HERC3: variants seen among roughly 807,000 people sequenced by gnomAD.
HERC3 encodes probable E3 ubiquitin-protein ligase HERC3.
Under a neutral mutation model 129.9 loss-of-function variants are expected in HERC3, and 58 were observed. The observed-to-expected ratio is 0.45, with a 90% CI of 0.36 to 0.56. The LOEUF (loss-of-function observed/expected upper bound fraction) is 0.56, where lower values mean the gene tolerates loss of function less well. Among genes scored for constraint, HERC3 ranks in the 20% least tolerant of loss-of-function variants. The probability of loss-of-function intolerance (pLI) is 0.00; values close to 1 mark genes in which losing one functional copy is unlikely to be tolerated. For synonymous variants in HERC3, 430 were observed against 451.0 expected, an observed-to-expected ratio of 0.95 and a Z score of 0.59; for missense variants, 835 against 1,244.2, an observed-to-expected ratio of 0.67 and a Z score of 4.95.
intron 3 of HERC3, among the ~76,000 whole-genome samples, chr4:88,610,944 C>T (rs1724249673): frequency 6.6e-6 from 1 of 152,202 alleles, no homozygotes; most frequent in African/African-American, 2.4e-5. Flanking sequence ...ACTGGGTCAG[C>T]TGGCCCTCAG....
chr4:88,556,461 C>A, the HERC3 span, among the ~76,000 whole-genome samples: 4 of 152,130 alleles, frequency 2.6e-5, no homozygotes, highest in Admixed American at 2.6e-4. Flanking sequence ...AGAAAAAAAG[C>A]AATTTAGTTA....
chr4:88,546,585 C>G, the HERC3 span, among the ~76,000 whole-genome samples: 1 of 150,768 alleles, frequency 6.6e-6, no homozygotes, highest in East Asian at 2.0e-4. Context: ...TCATGGCTCA[C>G]TGCAGCCTCG....
chr4:88,657,177 G>T (rs1292883943), intron 9 of HERC3: 1 of 152,162 alleles, frequency 6.6e-6, no homozygotes, highest in Non-Finnish European at 1.5e-5. Flanking sequence ...AGTCGATAAA[G>T]TGACACACTT....
chr4:88,594,619 T>A (rs1722140572), intron 1 of HERC3, among the ~76,000 whole-genome samples: 1 of 152,192 alleles, frequency 6.6e-6, no homozygotes, highest in Non-Finnish European at 1.5e-5. Flanking sequence ...GGTTTTGCCA[T>A]GTTGCTCAGG....
intron 23 of HERC3, among the ~76,000 whole-genome samples, chr4:88,699,328 A>C (rs913814391): frequency 1.1e-4 from 1 of 8,924 alleles, no homozygotes; most frequent in Non-Finnish European, 1.7e-4. Flanking sequence ...CTCCCCACCC[A>C]CCCACGCAGC....
Position 88,604,113 on chromosome 4 carries a change from C to T in HERC3, c.-29-1682C>T, listed in dbSNP as rs112030759. 3.8e-3 allele frequency among the ~76,000 whole-genome samples: 571 copies of T among 152,210 alleles called. 8 individuals carry two copies. Among genetic ancestry groups the T allele is most frequent in the East Asian group, 0.029 (148 of 5,170 alleles). On this transcript the variant is annotated intron_variant, in intron 2 of 25. Transcript: ENST00000402738. ...TCAGCTCACTGCAACCTCTGCCTCCCGGATTCAAGCGATTCTCCTACCTCA... is the reference window on the plus strand; with the variant it reads ...TCAGCTCACTGCAACCTCTGCCTCCTGGATTCAAGCGATTCTCCTACCTCA...
chr4:88,656,116 C>A, intron 9 of HERC3, 81 bp downstream of exon 9: 1 of 1,363,002 alleles, frequency 7.3e-7, no homozygotes, highest in Non-Finnish European at 1.0e-6. Flanking sequence ...CTATTACTTA[C>A]TTTGAGGTCT....
intron 19 of HERC3, among the ~76,000 whole-genome samples, chr4:88,679,729 G>T (rs1477457750): frequency 6.6e-6 from 1 of 152,082 alleles, no homozygotes; most frequent in African/African-American, 2.4e-5. Context: ...TGTTTGCCAG[G>T]CTGGTCTCGA....
chr4:88,697,139 T>C (rs1403482354), intron 23 of HERC3: 1 of 1,423,162 alleles, frequency 7.0e-7, no homozygotes, highest in Non-Finnish European at 9.3e-7. Context: ...AGTCCATCGA[T>C]ATTCTGGGAA....
chr4:88,697,507 G>C, intron 23 of HERC3: 1 of 1,614,078 alleles, frequency 6.2e-7, no homozygotes, highest in Non-Finnish European at 8.5e-7. Flanking sequence ...CTTTTTGAGG[G>C]CCAGGACTCG....
At chr4:88,688,934 A>C in intron 23 of HERC3, among the ~76,000 whole-genome samples, 1 of 152,158 alleles carries the variant, frequency 6.6e-6, no homozygotes, top group East Asian at 1.9e-4. Flanking sequence ...TGGCTTAAGG[A>C]AAGAGCGGGT....
In HERC3 at chr4:88,680,200, C is replaced by T; in HGVS notation, c.2304C>T (p.Tyr768=). 2 of 1,610,446 alleles carry T rather than the reference C, an allele frequency of 1.2e-6. No individual in the cohort carries two copies. The highest frequency in any genetic ancestry group is 3.3e-4 in the Middle Eastern group (2 of 5,974). ...LLNPIYGMFT[Y]YQDSNLLWFS... ...ATCCCATCTATGGAATGTTTACCTA[C>T]TATCAAGATTCAAATCTCTTGTGGT... Residue 768 remains tyrosine (Y), a synonymous_variant, in exon 20 of 26, where the codon TAC becomes TAT. Coordinates refer to ENST00000402738, the MANE Select transcript of HERC3 (RefSeq NM_014606.3).
chr4:88,637,021 C>T (rs531053372), intron 3 of HERC3, among the ~76,000 whole-genome samples: 33 of 152,120 alleles, frequency 2.2e-4, no homozygotes, highest in Admixed American at 1.6e-3. Context: ...CCCAGCTACT[C>T]GGGAGGCTGA....
At chr4:88,629,861 G>A (rs1726544271) in intron 3 of HERC3, among the ~76,000 whole-genome samples, 1 of 152,088 alleles carries the variant, frequency 6.6e-6, no homozygotes, top group Non-Finnish European at 1.5e-5. Context: ...GTAAAGAATT[G>A]GAGTGGTGAG....
chr4:88,655,430 C>T (rs2282593), intron 8 of HERC3, 126 bp downstream of exon 8: 164,418 of 1,075,318 alleles, frequency 0.15, 13,962 homozygotes, highest in East Asian at 0.22. Context: ...GCATGCACGC[C>T]TATGGTGAAA....
chr4:88,537,642 A>G, the HERC3 span, among the ~76,000 whole-genome samples: 1 of 152,246 alleles, frequency 6.6e-6, no homozygotes, highest in African/African-American at 2.4e-5. Flanking sequence ...AAGGCTAAAC[A>G]AAAGAGAGAC....
At chr4:88,535,355 G>A in the HERC3 span, among the ~76,000 whole-genome samples, 5 of 152,198 alleles carry the variant, frequency 3.3e-5, no homozygotes, top group African/African-American at 1.2e-4. Flanking sequence ...TTTGAGTTTG[G>A]TCTAGTCATT....
the HERC3 span, among the ~76,000 whole-genome samples, chr4:88,586,488 A>T: frequency 6.6e-6 from 1 of 151,478 alleles, no homozygotes; most frequent in Non-Finnish European, 1.5e-5. Context: ...CCTCCTGAGT[A>T]GCTGGGATTA....
chr4:88,610,808 G>T (rs777064326), intron 3 of HERC3, among the ~76,000 whole-genome samples: 26 of 152,236 alleles, frequency 1.7e-4, no homozygotes, highest in Non-Finnish European at 5.9e-5. Context: ...GAATACATCT[G>T]AGTGCAACGA....
Sources: gnomAD v4.1 joint callset for allele counts (sites outside exome capture counted in the v4.1 genomes callset) on GRCh38, gnomAD v4.1.1 for gene constraint, MANE v1.5 for transcripts, NCBI Gene and HGNC (gene_info 2026-07-23, HGNC 2026-07-21) for gene names.